Variants in DRC10 observed in about 807,000 individuals in gnomAD.
DRC10 encodes the protein dynein regulatory complex subunit 10, also known as IQ domain-containing protein D.
chr12:113,217,025 G>T, the DRC10 span, among the ~76,000 whole-genome samples: 5 of 152,268 alleles, frequency 3.3e-5, no homozygotes, highest in South Asian at 1.0e-3. Flanking sequence ...AGAGGCGTAG[G>T]TTGCAGTGAG....
chr12:113,207,730 T>G, the DRC10 span: 1 of 1,614,198 alleles, frequency 6.2e-7, no homozygotes, highest in Non-Finnish European at 8.5e-7. Context: ...TTTGATCTGC[T>G]GCATAAGTGG....
chr12:113,196,964 C>T, the DRC10 span, among the ~76,000 whole-genome samples: 1 of 152,216 alleles, frequency 6.6e-6, no homozygotes, highest in Non-Finnish European at 1.5e-5. Flanking sequence ...AGGTCAAGTA[C>T]CTTGCTTAAG....
the DRC10 span, chr12:113,220,973 A>G: frequency 3.4e-5 from 12 of 354,230 alleles, no homozygotes; most frequent in Non-Finnish European, 6.8e-5. Flanking sequence ...CCGATCCGCG[A>G]CCCTTTCCCA....
the DRC10 span, among the ~76,000 whole-genome samples, chr12:113,210,449 A>G: frequency 6.6e-6 from 1 of 152,260 alleles, no homozygotes; most frequent in East Asian, 1.9e-4. Context: ...ATGATTTCTG[A>G]TGCAATTGCT....
At chr12:113,216,406 T>A in the DRC10 span, among the ~76,000 whole-genome samples, 1 of 151,982 alleles carries the variant, frequency 6.6e-6, no homozygotes, top group Non-Finnish European at 1.5e-5. Context: ...ACAGGGAGGA[T>A]TTTTAGGGCA....
the DRC10 span, among the ~76,000 whole-genome samples, chr12:113,199,176 A>G: frequency 2.0e-5 from 3 of 152,082 alleles, no homozygotes; most frequent in South Asian, 2.1e-4. Context: ...ACCTCAGGAG[A>G]TCCGTCTGCC....
the DRC10 span, among the ~76,000 whole-genome samples, chr12:113,204,305 C>T: frequency 6.6e-6 from 1 of 152,206 alleles, no homozygotes; most frequent in South Asian, 2.1e-4. Flanking sequence ...CTGTCTCCTT[C>T]CCCTGCTTTC....
the DRC10 span, among the ~76,000 whole-genome samples, chr12:113,216,122 C>CA: frequency 6.6e-6 from 1 of 152,158 alleles, no homozygotes; most frequent in African/African-American, 2.4e-5. Flanking sequence ...TGGAAGCAAC[C>CA]AAGATGTCCT....
chr12:113,217,627 G>A, the DRC10 span, among the ~76,000 whole-genome samples: 1 of 152,212 alleles, frequency 6.6e-6, no homozygotes, highest in Non-Finnish European at 1.5e-5. Context: ...CACCCCCCTG[G>A]TTCAAGCAAT....
the DRC10 span, among the ~76,000 whole-genome samples, chr12:113,209,682 C>A: frequency 6.6e-6 from 1 of 152,180 alleles, no homozygotes; most frequent in Non-Finnish European, 1.5e-5. Flanking sequence ...CCGTGCCGGG[C>A]CTAATTTTGT....
At chr12:113,206,465 A>T in the DRC10 span, among the ~76,000 whole-genome samples, 1 of 152,108 alleles carries the variant, frequency 6.6e-6, no homozygotes, top group African/African-American at 2.4e-5. Flanking sequence ...GGTTGAGTAC[A>T]GAATGTGAGG....
chr12:113,220,381 G>T, the DRC10 span, among the ~76,000 whole-genome samples: 1 of 152,030 alleles, frequency 6.6e-6, no homozygotes, highest in Non-Finnish European at 1.5e-5. Context: ...TTAGCCTCCC[G>T]AGTAGTTGGG....
chr12:113,204,532 G>C, the DRC10 span, among the ~76,000 whole-genome samples: 1 of 152,250 alleles, frequency 6.6e-6, no homozygotes, highest in Admixed American at 6.5e-5. Flanking sequence ...ATTGTTTGTG[G>C]CTGCTTTTCC....
the DRC10 span, among the ~76,000 whole-genome samples, chr12:113,217,688 C>T: frequency 2.6e-5 from 4 of 152,272 alleles, no homozygotes; most frequent in South Asian, 8.3e-4. Context: ...CGTGTTACCA[C>T]GCTTGGCTAA....
chr12:113,212,918 G>A, the DRC10 span, among the ~76,000 whole-genome samples: 1 of 151,980 alleles, frequency 6.6e-6, no homozygotes, highest in Non-Finnish European at 1.5e-5. Flanking sequence ...AACTTTAATT[G>A]GATATTCCCT....
the DRC10 span, chr12:113,195,586 C>CCTTGCCCTTCTCCTTGCCTTTCTG: frequency 1.5e-5 from 24 of 1,595,996 alleles, no homozygotes; most frequent in Non-Finnish European, 2.1e-5. Flanking sequence ...CATTTCTTGC[C>CCTTGCCCTTCTCCTTGCCTTTCTG]CTTGCCCTTC....
At chr12:113,200,657 G>A in the DRC10 span, 1 of 1,536,200 alleles carries the variant, frequency 6.5e-7, no homozygotes, top group East Asian at 2.4e-5. Flanking sequence ...AGGATCTCCT[G>A]CTGGATCTTG....
the DRC10 span, among the ~76,000 whole-genome samples, chr12:113,212,145 A>T: frequency 6.7e-6 from 1 of 149,826 alleles, no homozygotes; most frequent in African/African-American, 2.5e-5. Flanking sequence ...ATTTGGGCTC[A>T]CTGCAACCTC....
the DRC10 span, chr12:113,200,521 CCCACCCAT>C: frequency 1.5e-4 from 105 of 709,880 alleles, no homozygotes; most frequent in East Asian, 6.0e-4. Flanking sequence ...ATGGAACAGT[CCCACCCAT>C]CCCCCCCACC....
Sources: gnomAD v4.1 joint callset for allele counts (sites outside exome capture counted in the v4.1 genomes callset) on GRCh38, gnomAD v4.1.1 for gene constraint, MANE v1.5 for transcripts, NCBI Gene and HGNC (gene_info 2026-07-23, HGNC 2026-07-21) for gene names.